The following ZNF519 variants were observed in gnomAD, a reference collection of about 807,000 sequenced individuals.
ZNF519 encodes the protein similar to Zinc finger protein 85 (Zinc finger protein HPF4) (HTF1).
Under a neutral mutation model 7.4 loss-of-function variants are expected in ZNF519, and 7 were observed. That is an observed-to-expected ratio of 0.94 (90% CI 0.54 to 1.77). The LOEUF is 1.77. Among genes scored for constraint, ZNF519 ranks in the 40% most tolerant of loss-of-function variants. ZNF519 has a pLI of 0.00. For synonymous variants in ZNF519, 179 were observed against 203.3 expected (o/e 0.88, Z 1.02); for missense variants, 586 against 623.1 (o/e 0.94, Z 0.63).
At chr18:14,108,597 T>C (rs959706424) in intron 2 of ZNF519, among the ~76,000 whole-genome samples, 8 of 150,256 alleles carry the variant, frequency 5.3e-5, no homozygotes, top group East Asian at 2.0e-4. Context: ...TCAAAAGACA[T>C]AGAGTGGCTA....
intron 2 of ZNF519, among the ~76,000 whole-genome samples, chr18:14,123,685 C>A (rs1453396979): frequency 6.6e-6 from 1 of 152,094 alleles, no homozygotes; most frequent in South Asian, 2.1e-4. Context: ...CACTGCACTC[C>A]AGCTTGGGTG....
At chr18:14,122,605 T>TA (rs2046274985) in intron 2 of ZNF519, 1 of 150,104 alleles carries the variant, frequency 6.7e-6, no homozygotes, top group African/African-American at 2.5e-5. Flanking sequence ...GGGAGATCAC[T>TA]AAAGAAAAAA....
chr18:14,088,689 T>C (rs766383238), intron 2 of ZNF519, among the ~76,000 whole-genome samples: 3 of 152,208 alleles, frequency 2.0e-5, no homozygotes, highest in Non-Finnish European at 4.4e-5. Flanking sequence ...TATAACTGCT[T>C]AATTCTGAGA....
At chr18:14,087,814 T>C (rs1313594065) in intron 2 of ZNF519, among the ~76,000 whole-genome samples, 1 of 148,664 alleles carries the variant, frequency 6.7e-6, no homozygotes, top group Non-Finnish European at 1.5e-5. Context: ...AATACCATCA[T>C]TGTCATCACC....
chr18:14,124,554 T>C (rs1262682938), intron 1 of ZNF519, 78 bp from the exon 2 acceptor site: 3 of 1,506,550 alleles, frequency 2.0e-6, no homozygotes, highest in Non-Finnish European at 2.7e-6. Flanking sequence ...AGTTCTGACT[T>C]ATGTGGCTGA....
In ZNF519 at chr18:14,105,132, TA is replaced by T; in HGVS notation, c.1407del (p.Phe469LeufsTer68). ...TGTTGAGTAAGGTGTGAGCCCCAGA[TA>T]AAAGCTTTGCCACATTCTTCACATT... The part of the protein sequence containing the change: ...SFKCEECGKA[F>X]IWGSHLTQHQ... On this transcript the variant is annotated frameshift_variant, in exon 3 of 3. Transcript: ENST00000590202. LOFTEE classifies it low-confidence loss of function (END_TRUNC). 6.2e-7 allele frequency: 1 copy of T among 1,613,848 alleles called. No individual in the cohort carries two copies. The highest frequency in any genetic ancestry group is 2.2e-5 in the East Asian group (1 of 44,872).
intron 2 of ZNF519, among the ~76,000 whole-genome samples, chr18:14,109,324 G>A (rs1274105373): frequency 2.0e-5 from 3 of 151,966 alleles, no homozygotes; most frequent in South Asian, 2.1e-4. Flanking sequence ...AAAAACCAAC[G>A]AAGAAATATC....
intron 2 of ZNF519, among the ~76,000 whole-genome samples, chr18:14,093,696 G>A (rs1280652979): frequency 6.6e-6 from 1 of 152,182 alleles, no homozygotes; most frequent in Admixed American, 6.5e-5. Context: ...AAACGAAAGT[G>A]GCATACAGAA....
chr18:14,124,209 A>G, intron 2 of ZNF519, 141 bp downstream of exon 2: 1 of 745,270 alleles, frequency 1.3e-6, no homozygotes, highest in Non-Finnish European at 2.0e-6. Flanking sequence ...TCTTTTTTAC[A>G]CTAGCAAACT....
At chr18:14,090,829 A>T (rs900581171) in intron 2 of ZNF519, 2 of 152,266 alleles carry the variant, frequency 1.3e-5, no homozygotes, top group African/African-American at 4.8e-5. Flanking sequence ...ATTGGCAGTG[A>T]AAGAAATGCT....
intron 1 of ZNF519, among the ~76,000 whole-genome samples, chr18:14,128,126 A>T (rs938829015): frequency 4.0e-5 from 6 of 151,198 alleles, no homozygotes; most frequent in Non-Finnish European, 8.8e-5. Context: ...CGTCTCTACT[A>T]AAAATACAAA....
intron 2 of ZNF519, among the ~76,000 whole-genome samples, chr18:14,117,426 ATGT>A (rs1438111376): frequency 6.6e-6 from 1 of 152,166 alleles, no homozygotes; most frequent in African/African-American, 2.4e-5. Flanking sequence ...AAAATAACAA[ATGT>A]TGTCAAGAGC....
chr18:14,108,404 CCAGT>C (rs1211805225), intron 2 of ZNF519, among the ~76,000 whole-genome samples: 1 of 152,158 alleles, frequency 6.6e-6, no homozygotes, highest in Non-Finnish European at 1.5e-5. Flanking sequence ...CACCCATGAA[CCAGT>C]CAGCATGCAT....
chr18:14,084,908 T>C (rs950796396), exon 3 of ZNF519: 1 of 152,236 alleles, frequency 6.6e-6, no homozygotes, highest in African/African-American at 2.4e-5. Context: ...TTCTCCAGCA[T>C]CACGTCTCTG....
intron 2 of ZNF519, chr18:14,124,005 C>T (rs1398901920): frequency 6.0e-6 from 1 of 166,366 alleles, no homozygotes; most frequent in Non-Finnish European, 1.3e-5. Flanking sequence ...AACCTTGTCT[C>T]TACTAAAAAT....
At position 14,104,243 on chromosome 18, in the gene ZNF519, A is replaced by G. The variant is rs1383974156; in HGVS notation, c.*674T>C. 1 of 152,200 alleles carries G rather than the reference A, an allele frequency of 6.6e-6. No individual in the cohort carries two copies. Among genetic ancestry groups the G allele is most frequent in the African/African-American group, 2.4e-5 (1 of 41,450 alleles). The allele number at this position is 152,200 out of a possible 1,614,324, so 9.4% of individuals were successfully genotyped here. A position where few individuals can be genotyped will look rare whatever the true frequency, so the allele number is the denominator to read the frequency against. On this transcript the variant is annotated 3_prime_UTR_variant, in exon 3 of 3. Transcript: ENST00000590202. ...TAATGGGTAGTTGGTAAAACTATTC[A>G]TATCTAAAACTCAGAGTGTTTCTGT...
exon 5 of ZNF519, chr18:14,076,976 G>A (rs2046050174): frequency 6.6e-6 from 1 of 152,044 alleles, no homozygotes; most frequent in Non-Finnish European, 1.5e-5. Flanking sequence ...AATTCAATTG[G>A]TGAACTCTTA....
chr18:14,092,141 T>C (rs1246737397), intron 2 of ZNF519, among the ~76,000 whole-genome samples: 1 of 151,582 alleles, frequency 6.6e-6, no homozygotes. Flanking sequence ...GCAGTGGAGG[T>C]AACGATGGAG....
In ZNF519 at chr18:14,102,822, T is replaced by C. The variant is rs1598514445; in HGVS notation, c.*2095A>G. On this transcript the variant is annotated 3_prime_UTR_variant, in exon 3 of 3. Coordinates refer to ENST00000590202, the MANE Select transcript of ZNF519 (RefSeq NM_145287.4). ...TCAATCCAAATTGGGGGAAAAAAGC[T>C]ATATAGTGGTAATATTTTATATCTC... The C allele has an allele frequency of 6.6e-6, 1 of 152,004 alleles. No individual in the cohort carries two copies. The highest frequency in any genetic ancestry group is 2.1e-4 in the South Asian group (1 of 4,828). The allele number at this position is 152,004 out of a possible 1,614,324, so 9.4% of individuals were successfully genotyped here.
Sources: allele counts gnomAD v4.1 joint callset (sites outside exome capture counted in the v4.1 genomes callset), GRCh38; gene constraint gnomAD v4.1.1; transcripts MANE v1.5; gene names NCBI Gene and HGNC (gene_info 2026-07-23, HGNC 2026-07-21).